Variants in ZNF804B observed in about 807,000 individuals in gnomAD.
The protein encoded by ZNF804B is zinc finger protein 804B.
A neutral mutation model predicts 101.4 loss-of-function variants in ZNF804B; 80 were observed. That is an observed-to-expected ratio of 0.79 (90% CI 0.66 to 0.95). The LOEUF (loss-of-function observed/expected upper bound fraction) is 0.95. Ranked by LOEUF, ZNF804B falls within the 40% of genes least tolerant of loss-of-function variation. The pLI, the probability that ZNF804B is intolerant of heterozygous loss-of-function variation, is 0.00. For synonymous variants in ZNF804B, 622 were observed against 558.8 expected (o/e 1.11, Z -1.59); for missense variants, 1,673 against 1,561.9 (o/e 1.07, Z -1.20).
intron 1 of ZNF804B, among the ~76,000 whole-genome samples, chr7:89,191,997 A>C (rs1021453962): frequency 6.6e-6 from 1 of 152,136 alleles, no homozygotes. Flanking sequence ...CTCTAAAAAA[A>C]ATTGATCCTG....
chr7:88,822,957 T>C (rs986128513), intron 1 of ZNF804B, among the ~76,000 whole-genome samples: 8 of 152,172 alleles, frequency 5.3e-5, no homozygotes, highest in African/African-American at 1.9e-4. Flanking sequence ...ATGCCTGTAA[T>C]GTCAGCACTT....
intron 1 of ZNF804B, among the ~76,000 whole-genome samples, chr7:89,161,350 C>A (rs552804003): frequency 6.6e-6 from 1 of 151,922 alleles, no homozygotes; most frequent in East Asian, 2.0e-4. Context: ...AGAACATTAC[C>A]TATGTTACAT....
chr7:89,113,909 A>G (rs1205047215), intron 1 of ZNF804B, among the ~76,000 whole-genome samples: 1 of 151,814 alleles, frequency 6.6e-6, no homozygotes, highest in African/African-American at 2.4e-5. Context: ...AGATCGTGCC[A>G]CTGCACTCCA....
At chr7:89,075,526 T>C (rs1489736747) in intron 1 of ZNF804B, among the ~76,000 whole-genome samples, 1 of 152,164 alleles carries the variant, frequency 6.6e-6, no homozygotes, top group African/African-American at 2.4e-5. Flanking sequence ...CCACCTGGAT[T>C]TCAGAGGATG....
In ZNF804B at chr7:89,291,509, T is replaced by G. The variant is rs575725670; in HGVS notation, c.250-35835T>G. On this transcript the variant is annotated intron_variant, in intron 2 of 3. Coordinates refer to ENST00000333190, the MANE Select transcript of ZNF804B (RefSeq NM_181646.5). ...ATGTACTGAAGAATGGATCAGTCTT[T>G]TAATATCAGAATTGATCAAACAGAA... Among the ~76,000 whole-genome samples, 8 of 152,178 alleles carry G rather than the reference T, an allele frequency of 5.3e-5. No individual in the cohort carries two copies. The South Asian group carries it at 1.7e-3, about 32-fold the overall frequency.
At chr7:88,778,024 A>ACTAC (rs1309334605) in intron 1 of ZNF804B, among the ~76,000 whole-genome samples, 2 of 152,092 alleles carry the variant, frequency 1.3e-5, no homozygotes, top group Non-Finnish European at 2.9e-5. Flanking sequence ...ACTGTAATGA[A>ACTAC]CTACCACACA....
intron 1 of ZNF804B, among the ~76,000 whole-genome samples, chr7:88,842,609 A>G (rs1484105582): frequency 1.3e-5 from 2 of 152,146 alleles, no homozygotes; most frequent in Non-Finnish European, 2.9e-5. Flanking sequence ...CCTGCACATA[A>G]TCTGTTTAAT....
At chr7:88,988,607 C>A (rs944459637) in intron 1 of ZNF804B, among the ~76,000 whole-genome samples, 2 of 152,012 alleles carry the variant, frequency 1.3e-5, no homozygotes, top group African/African-American at 4.8e-5. Flanking sequence ...ATGTCTAACA[C>A]AAAGAATTAT....
chr7:89,223,526 A>G (rs947207763), intron 2 of ZNF804B, among the ~76,000 whole-genome samples: 1 of 151,838 alleles, frequency 6.6e-6, no homozygotes, highest in Non-Finnish European at 1.5e-5. Flanking sequence ...AATAAAGTAA[A>G]AGAGTATGTG....
At chr7:89,248,768 G>A (rs10243016) in intron 2 of ZNF804B, among the ~76,000 whole-genome samples, 1,680 of 151,990 alleles carry the variant, frequency 0.011, 36 homozygotes, top group African/African-American at 0.037. Flanking sequence ...CTCACGACAG[G>A]ATCAACCTCA....
chr7:88,856,884 G>C (rs1489155471), intron 1 of ZNF804B, among the ~76,000 whole-genome samples: 1 of 152,076 alleles, frequency 6.6e-6, no homozygotes, highest in Non-Finnish European at 1.5e-5. Flanking sequence ...TTTGTCGTTG[G>C]TTCTGTTTAT....
intron 2 of ZNF804B, among the ~76,000 whole-genome samples, chr7:89,265,798 C>G (rs1789783193): frequency 6.6e-6 from 1 of 152,186 alleles, no homozygotes; most frequent in African/African-American, 2.4e-5. Flanking sequence ...GTGTCACCCA[C>G]CATCTGTGTG....
chr7:88,914,313 A>G (rs778775472), intron 1 of ZNF804B, among the ~76,000 whole-genome samples: 1 of 152,138 alleles, frequency 6.6e-6, no homozygotes, highest in Non-Finnish European at 1.5e-5. Context: ...TAAGTTGCCG[A>G]TAGGGTCCAT....
At position 89,338,024 on chromosome 7, in the gene ZNF804B, T is replaced by C. The variant is rs1791130379; in HGVS notation, c.*992T>C. On this transcript the variant is annotated 3_prime_UTR_variant, in exon 4 of 4. Coordinates refer to ENST00000333190, the MANE Select transcript of ZNF804B (RefSeq NM_181646.5). ...ATTGTACTAGATATTTATGAAACAA[T>C]GAATAATGATGAATAAATTCACCAT... Among the ~76,000 whole-genome samples, 1 of 152,080 alleles carries C rather than the reference T, an allele frequency of 6.6e-6. No homozygotes were observed. Among genetic ancestry groups the C allele is most frequent in the African/African-American group, 2.4e-5 (1 of 41,446 alleles).
At position 89,336,914 on chromosome 7, in the gene ZNF804B, A is replaced by C. The variant is rs749821420; in HGVS notation, c.3932A>C (p.Asn1311Thr). ...GCCACAACTTCTATCATCCACTTGA[A>C]TCCTTTAATCCAACCAGTATTCCAA... ...NPATTSIIHL[N>T]PLIQPVFQGQ... is the part of the protein sequence containing the mutation. The change falls in exon 4 of 4, where the codon AAT becomes ACT. Residue 1311 changes from asparagine to threonine, a missense_variant. Coordinates refer to ENST00000333190, the MANE Select transcript of ZNF804B (RefSeq NM_181646.5). The C allele has an allele frequency of 6.2e-7, 1 of 1,614,064 alleles. No homozygotes were observed. The highest frequency in any genetic ancestry group is 1.1e-5 in the South Asian group (1 of 91,082).
intron 1 of ZNF804B, among the ~76,000 whole-genome samples, chr7:88,852,203 C>T (rs934155806): frequency 6.6e-6 from 1 of 152,108 alleles, no homozygotes; most frequent in Non-Finnish European, 1.5e-5. Context: ...GAGCATCCAT[C>T]ATGATGTATT....
chr7:88,914,621 A>T lies in ZNF804B; in HGVS notation c.108+154537A>T, dbSNP rs1197922840. Among the ~76,000 whole-genome samples, 7 of 152,188 alleles carry T rather than the reference A, an allele frequency of 4.6e-5. No homozygotes were observed. In the East Asian group the frequency reaches 1.2e-3, roughly 25 times the overall value. On this transcript the variant is annotated intron_variant, in intron 1 of 3. Coordinates refer to ENST00000333190, the MANE Select transcript of ZNF804B (RefSeq NM_181646.5). Reference sequence around the variant, plus strand: ...ATGTTCAATTTTGGTTTCCTTGCACAATTCACTAATACAGTATATGTTTCA... The same window carrying T: ...ATGTTCAATTTTGGTTTCCTTGCACTATTCACTAATACAGTATATGTTTCA...
chr7:89,280,664 A>G (rs1409189031), intron 2 of ZNF804B, among the ~76,000 whole-genome samples: 1 of 152,182 alleles, frequency 6.6e-6, no homozygotes, highest in Non-Finnish European at 1.5e-5. Flanking sequence ...GAAGAAATGG[A>G]TAAATTCCTC....
intron 1 of ZNF804B, among the ~76,000 whole-genome samples, chr7:88,989,957 A>G (rs1342186090): frequency 6.6e-6 from 1 of 152,014 alleles, no homozygotes. Context: ...CCTTCTATCT[A>G]TAATTTTTTT....
Sources: allele counts gnomAD v4.1 joint callset (sites outside exome capture counted in the v4.1 genomes callset), GRCh38; gene constraint gnomAD v4.1.1; transcripts MANE v1.5; gene names NCBI Gene and HGNC (gene_info 2026-07-23, HGNC 2026-07-21).